Variants in RPL21 observed in about 807,000 individuals in gnomAD.
The protein encoded by RPL21 is ribosomal protein L21, also known as large ribosomal subunit protein eL21.
In RPL21, 1 loss-of-function variant was observed where a neutral mutation model predicts 21.2. The observed-to-expected ratio is 0.05, with a 90% CI of 0.02 to 0.22. The LOEUF (loss-of-function observed/expected upper bound fraction) is 0.22. Ranked by LOEUF, RPL21 falls within the 10% of genes least tolerant of loss-of-function variation. The pLI is 1.00. For synonymous variants in RPL21, 52 were observed against 62.9 expected (o/e 0.83, Z 0.82); for missense variants, 113 against 199.4 (o/e 0.57, Z 2.61).
chr13:27,252,436 T>C (rs1372568411), intron 1 of RPL21, among the ~76,000 whole-genome samples: 1 of 152,196 alleles, frequency 6.6e-6, no homozygotes, highest in African/African-American at 2.4e-5. Flanking sequence ...TTAATACTCT[T>C]ACAAACTGTA....
chr13:27,252,395 C>G (rs1335765037), intron 1 of RPL21, among the ~76,000 whole-genome samples: 1 of 152,140 alleles, frequency 6.6e-6, no homozygotes, highest in African/African-American at 2.4e-5. Flanking sequence ...CTGCAGGTTG[C>G]TCTTTATGGT....
intron 3 of RPL21, 158 bp downstream of exon 3, chr13:27,254,439 A>G: frequency 1.9e-6 from 1 of 530,536 alleles, no homozygotes. Context: ...CTTGTTGCTC[A>G]GGCTGGAGTG....
intron 1 of RPL21, 31 bp from the exon 2 acceptor site, chr13:27,253,734 C>CT: frequency 8.0e-7 from 1 of 1,248,548 alleles, no homozygotes; most frequent in Non-Finnish European, 1.2e-6. Context: ...AGTTTTCAGT[C>CT]GTATTTGACT....
rs779750134 is a variant in RPL21, at chr13:27,253,770, C to T, written c.-7C>T. 3.8e-6 allele frequency: 6 copies of T among 1,587,928 alleles called. No homozygotes were observed. Among genetic ancestry groups the T allele is most frequent in the South Asian group, 2.2e-5 (2 of 90,550 alleles). On this transcript the variant is annotated 5_prime_UTR_variant, in exon 2 of 6. Coordinates refer to ENST00000311549, the MANE Select transcript of RPL21 (RefSeq NM_000982.4). ...GTTCTGCTTTCTGGTTTCAGTAATTCGCCAAAATGACGAACACAAAGGGAA... is the reference window on the plus strand; with the variant it reads ...GTTCTGCTTTCTGGTTTCAGTAATTTGCCAAAATGACGAACACAAAGGGAA...
rs912205068 is a variant in RPL21 at position 27,256,070 on chromosome 13, C to G, written c.243-114C>G. On this transcript the variant is annotated intron_variant, in intron 4 of 5. Transcript: ENST00000311549. Reference sequence around the variant, plus strand: ...ATCAAGGCATACTTTGTTGATTTGTCATATCTGGGTAAAAGGTTTATGGTT... The same window carrying G: ...ATCAAGGCATACTTTGTTGATTTGTGATATCTGGGTAAAAGGTTTATGGTT... The G allele has an allele frequency of 2.5e-5, 20 of 800,822 alleles. 1 individual carries two copies. The South Asian group carries it at 2.8e-4, about 11-fold the overall frequency. 49.6% of individuals were successfully genotyped at this position (800,822 alleles called of 1,614,324 possible). A position where few individuals can be genotyped will look rare whatever the true frequency, so the allele number is the denominator to read the frequency against.
intron 1 of RPL21, among the ~76,000 whole-genome samples, chr13:27,253,533 A>G (rs1881748777): frequency 6.6e-6 from 1 of 152,240 alleles, no homozygotes; most frequent in South Asian, 2.1e-4. Flanking sequence ...TCTCGTATCA[A>G]GTTCTGCTCC....
chr13:27,255,014 T>C (rs558214566), intron 3 of RPL21: 1 of 714,686 alleles, frequency 1.4e-6, no homozygotes, highest in African/African-American at 1.7e-5. Context: ...ACCCTCCTAG[T>C]GAAAGCTGTG....
At chr13:27,253,656 A>T (rs2137908612) in intron 1 of RPL21, 109 bp from the exon 2 acceptor site, 12 of 710,640 alleles carry the variant, frequency 1.7e-5, no homozygotes, top group African/African-American at 7.0e-5. Context: ...TCCAGCTTTC[A>T]GTTTGCAGTT....
chr13:27,254,941 G>A, intron 3 of RPL21: 1 of 493,918 alleles, frequency 2.0e-6, no homozygotes, highest in East Asian at 4.2e-5. Context: ...TTATCAAGTT[G>A]GAAAGGAACG....
intron 3 of RPL21, chr13:27,254,972 A>G: frequency 3.4e-6 from 2 of 592,264 alleles, no homozygotes; most frequent in Non-Finnish European, 3.1e-6. Flanking sequence ...AAGTTTAATT[A>G]TTGATGAAGA....
chr13:27,254,462 C>T (rs1593261479), intron 3 of RPL21, 181 bp downstream of exon 3: 1 of 544,788 alleles, frequency 1.8e-6, no homozygotes, highest in East Asian at 3.0e-5. Flanking sequence ...ATGGCATGAT[C>T]TCACCTCAAC....
Position 27,256,205 on chromosome 13 carries a change from A to G in RPL21, c.264A>G (p.Arg88=). The G allele has an allele frequency of 6.3e-7, 1 of 1,594,788 alleles. No individual in the cohort carries two copies. The highest frequency in any genetic ancestry group is 8.6e-7 in the Non-Finnish European group (1 of 1,168,812). The change falls in exon 5 of 6, where the codon AGA becomes AGG. Residue 88 remains arginine, a synonymous_variant. Transcript: ENST00000311549. ...KQVKGKILAK[R]INVRIEHIKH... ...CCAGGGGCAAGATTCTTGCCAAGAG[A>G]ATTAATGTGCGTATTGAGCACATTA... is the stretch of plus-strand genomic sequence containing the variant.
At chr13:27,253,890 TTC>T (rs1444658425) in intron 2 of RPL21, 47 bp downstream of exon 2, 1 of 1,059,936 alleles carries the variant, frequency 9.4e-7, no homozygotes, top group East Asian at 2.4e-5. Flanking sequence ...CACATTTGTG[TTC>T]TGTTGTGTTC....
intron 1 of RPL21, chr13:27,251,845 C>G (rs1013718487): frequency 1.3e-5 from 2 of 152,414 alleles, no homozygotes; most frequent in African/African-American, 4.8e-5. Context: ...GACTGAGTCG[C>G]TTGGGGTGAG....
intron 1 of RPL21, among the ~76,000 whole-genome samples, chr13:27,252,945 G>A (rs925904637): frequency 2.0e-5 from 3 of 152,208 alleles, no homozygotes; most frequent in Non-Finnish European, 2.9e-5. Flanking sequence ...AATGACTAAA[G>A]AGCTATCAAA....
At chr13:27,254,557 G>T in intron 3 of RPL21, 1 of 413,692 alleles carries the variant, frequency 2.4e-6, no homozygotes, top group South Asian at 2.6e-5. Flanking sequence ...ATGATACCTG[G>T]CTAATTTTGT....
chr13:27,255,671 A>G (rs1881869106), intron 4 of RPL21: 1 of 415,676 alleles, frequency 2.4e-6, no homozygotes, highest in African/African-American at 2.1e-5. Context: ...TCCTGGGTTC[A>G]CGCCATTCTC....
At chr13:27,255,388 G>C in intron 4 of RPL21, 34 bp downstream of exon 4, 1 of 881,940 alleles carries the variant, frequency 1.1e-6, no homozygotes, top group South Asian at 1.3e-5. Flanking sequence ...TGGCTAACCA[G>C]TATTCCCTCA....
Position 27,255,632 on chromosome 13 carries a change from T to C in RPL21, c.242+278T>C, listed in dbSNP as rs113204084. The stretch of plus-strand genomic sequence containing the variant: ...TGTCGCCCTGGCTGGAGTGCAGTGG[T>C]GGGATCTCTGCTCTCTGCAAGCTCC... On this transcript the variant is annotated intron_variant, in intron 4 of 5. Coordinates refer to ENST00000311549, the MANE Select transcript of RPL21 (RefSeq NM_000982.4). 6.1e-3 allele frequency: 3,189 copies of C among 522,142 alleles called. 79 individuals carry two copies. Among genetic ancestry groups the C allele is most frequent in the African/African-American group, 0.053 (2,823 of 52,786 alleles). The allele number at this position is 522,142 out of a possible 1,614,324, so 32.3% of individuals were successfully genotyped here. A position where few individuals can be genotyped will look rare whatever the true frequency, so the allele number is the denominator to read the frequency against.
Sources: allele counts gnomAD v4.1 joint callset (sites outside exome capture counted in the v4.1 genomes callset), GRCh38; gene constraint gnomAD v4.1.1; transcripts MANE v1.5; gene names NCBI Gene and HGNC (gene_info 2026-07-23, HGNC 2026-07-21).